The following KIF1B variants were observed in gnomAD, a reference collection of about 807,000 sequenced individuals.
The protein encoded by KIF1B is kinesin-like protein KIF1B.
KIF1B carries 76 observed loss-of-function variants against 241.9 expected under a neutral mutation model. The ratio of observed to expected loss-of-function variants is 0.31; its 90% CI spans 0.26 to 0.38. The LOEUF (loss-of-function observed/expected upper bound fraction) is 0.38, where lower values mean the gene tolerates loss of function less well. Ranked by LOEUF, KIF1B falls within the 10% of genes least tolerant of loss-of-function variation. KIF1B has a pLI of 1.00. For missense variants in KIF1B, 1,622 were observed against 2,271.4 expected (o/e 0.71, Z 5.81); for synonymous variants, 750 against 796.7 (o/e 0.94, Z 0.99).
intron 38 of KIF1B, among the ~76,000 whole-genome samples, chr1:10,359,674 A>G (rs1638358053): frequency 1.3e-5 from 2 of 151,884 alleles, no homozygotes; most frequent in African/African-American, 4.8e-5. Flanking sequence ...GTCTGGCTCT[A>G]GTGTTAACAA....
intron 22 of KIF1B, chr1:10,307,366 G>A (rs2004034): frequency 0.29 from 239,662 of 836,042 alleles, 35,660 homozygotes; most frequent in Admixed American, 0.31. Context: ...CTGCAGTGCA[G>A]TGGCACAATC....
chr1:10,264,517 C>T (rs746089956), intron 5 of KIF1B, among the ~76,000 whole-genome samples: 13 of 152,098 alleles, frequency 8.5e-5, no homozygotes, highest in South Asian at 2.1e-4. Flanking sequence ...TAATATATTC[C>T]GGGGATTCAG....
At chr1:10,276,950 A>G (rs1407155180) in intron 12 of KIF1B, among the ~76,000 whole-genome samples, 1 of 152,072 alleles carries the variant, frequency 6.6e-6, no homozygotes, top group African/African-American at 2.4e-5. Flanking sequence ...GCGTGGTGCC[A>G]TGCACCTGTA....
At chr1:10,235,865 A>AG (rs1202921711) in intron 2 of KIF1B, among the ~76,000 whole-genome samples, 4 of 133,934 alleles carry the variant, frequency 3.0e-5, no homozygotes, top group African/African-American at 1.1e-4. Context: ...ACTGTCTCAA[A>AG]AAAAAAAAAA....
chr1:10,268,042 G>GTT, intron 6 of KIF1B, 110 bp from the exon 7 acceptor site: 1 of 773,140 alleles, frequency 1.3e-6, no homozygotes, highest in Non-Finnish European at 2.3e-6. Context: ...CTGTGAATAA[G>GTT]TTTAAGACTA....
rs371705623 is a variant in KIF1B at position 10,326,376 on chromosome 1, T to C, written c.2924+17T>C. 1 of 1,613,902 alleles carries C rather than the reference T, an allele frequency of 6.2e-7. No homozygotes were observed. Among genetic ancestry groups the C allele is most frequent in the Non-Finnish European group, 8.5e-7 (1 of 1,180,030 alleles). On this transcript the variant is annotated intron_variant, in intron 27 of 48. Transcript: ENST00000676179. This position sits in a 1 kb window ranked among gnomAD's most constrained non-coding sequence, Gnocchi z 5.2. ...AGTGGGAAGGTTGGTGAGGTTATTG[T>C]GAGAAAGGCGAAAAGGGACCAGCTC...
chr1:10,231,555 T>C (rs547291835), intron 1 of KIF1B, among the ~76,000 whole-genome samples: 43 of 151,788 alleles, frequency 2.8e-4, no homozygotes, highest in Admixed American at 1.6e-3. Context: ...CCTGGCTAAT[T>C]TTTGTATTTT....
chr1:10,297,542 A>G (rs1650329409), intron 22 of KIF1B, among the ~76,000 whole-genome samples: 1 of 152,082 alleles, frequency 6.6e-6, no homozygotes, highest in Non-Finnish European at 1.5e-5. Context: ...GCCTCTTGAT[A>G]GTGGTTTTGG....
At chr1:10,313,548 ATTTTTT>A (rs33994083) in intron 22 of KIF1B, among the ~76,000 whole-genome samples, 1 of 121,410 alleles carries the variant, frequency 8.2e-6, no homozygotes, top group African/African-American at 3.3e-5. Context: ...ACTAGTTAGG[ATTTTTT>A]TTTTTTTTTT....
chr1:10,369,797 T>G (rs979123669), intron 44 of KIF1B, among the ~76,000 whole-genome samples: 1 of 151,404 alleles, frequency 6.6e-6, no homozygotes, highest in Admixed American at 6.6e-5. Context: ...CCGGATATGG[T>G]GGCGCATGCC....
In KIF1B at chr1:10,242,539, C is replaced by T. The variant is rs186563356; in HGVS notation, c.106+10105C>T. Among the ~76,000 whole-genome samples the T allele has an allele frequency of 9.7e-4, 148 of 152,092 alleles. 1 individual carries two copies. Among genetic ancestry groups the T allele is most frequent in the Non-Finnish European group, 1.8e-3 (123 of 67,978 alleles). ...TTATTAATATAATCTTTTTTTTAGA[C>T]GGAGTCTTGCCCTGTCACCCAGGCT... On this transcript the variant is annotated intron_variant, in intron 2 of 48. Transcript: ENST00000676179.
rs572677242 is a variant in KIF1B, at chr1:10,378,139, T to G, written c.*1552T>G. On this transcript the variant is annotated 3_prime_UTR_variant, in exon 49 of 49. Transcript: ENST00000676179. Reference sequence around the variant, plus strand: ...ATAAGCAAATGTGGCAGGCTTTGCTTTCTGGATCCCAGGATTAAAACTAAC... The same window carrying G: ...ATAAGCAAATGTGGCAGGCTTTGCTGTCTGGATCCCAGGATTAAAACTAAC... The G allele has an allele frequency of 2.7e-4, 156 of 588,418 alleles. No homozygotes were observed. The highest frequency in any genetic ancestry group is 2.4e-3 in the African/African-American group (127 of 53,800). 36.4% of individuals were successfully genotyped at this position (588,418 alleles called of 1,614,324 possible).
intron 24 of KIF1B, among the ~76,000 whole-genome samples, chr1:10,322,302 C>T (rs1441255791): frequency 2.0e-5 from 3 of 152,254 alleles, no homozygotes; most frequent in Non-Finnish European, 2.9e-5. Context: ...CCCAGACAGT[C>T]CAGGTTCCAG....
At chr1:10,259,505 A>AAATT (rs1553162997) in intron 4 of KIF1B, among the ~76,000 whole-genome samples, 7 of 121,550 alleles carry the variant, frequency 5.8e-5, no homozygotes, top group African/African-American at 2.3e-4. Context: ...AAAAAAAAAA[A>AAATT]TTTTTTTTTT....
At position 10,276,183 on chromosome 1, in the gene KIF1B, CAAAA is replaced by C. The variant is rs1019429503; in HGVS notation, c.959-131_959-128del. The C allele has an allele frequency of 4.7e-6, 3 of 632,568 alleles. No individual in the cohort carries two copies. The Admixed American group carries it at 7.4e-5, about 16-fold the overall frequency. 39.2% of individuals were successfully genotyped at this position (632,568 alleles called of 1,614,324 possible). The stretch of plus-strand genomic sequence containing the variant: ...TGGGTGAAAGAGTGAGACTCCCTCT[CAAAA>C]AAAAAATAAAAGAAAGAAATTTGAC... On this transcript the variant is annotated intron_variant, in intron 11 of 48. Coordinates refer to ENST00000676179, the MANE Select transcript of KIF1B (RefSeq NM_001365951.3).
intron 17 of KIF1B, 197 bp downstream of exon 17, chr1:10,292,319 T>C: frequency 1.8e-6 from 1 of 565,060 alleles, no homozygotes; most frequent in African/African-American, 1.9e-5. Flanking sequence ...ATGCCTATCT[T>C]GTTTACTGTT....
chr1:10,276,209 T>A, intron 11 of KIF1B, 112 bp from the exon 12 acceptor site: 2 of 790,602 alleles, frequency 2.5e-6, no homozygotes, highest in Non-Finnish European at 4.3e-6. Flanking sequence ...GAAAGAAATT[T>A]GACATTACAT....
At chr1:10,309,895 C>T (rs1005786391) in intron 22 of KIF1B, among the ~76,000 whole-genome samples, 2 of 151,116 alleles carry the variant, frequency 1.3e-5, no homozygotes, top group African/African-American at 2.5e-5. Context: ...ACACTCTGCC[C>T]TTTTTTTTGT....
intron 31 of KIF1B, among the ~76,000 whole-genome samples, chr1:10,338,176 A>T (rs1372375363): frequency 1.3e-5 from 2 of 152,318 alleles, no homozygotes; most frequent in African/African-American, 4.8e-5. Flanking sequence ...GGGCCACAGT[A>T]CAAGAGACTG....
Sources: allele counts gnomAD v4.1 joint callset (sites outside exome capture counted in the v4.1 genomes callset), GRCh38; gene constraint gnomAD v4.1.1; non-coding constraint Gnocchi (gnomAD v3.1); transcripts MANE v1.5; gene names NCBI Gene and HGNC (gene_info 2026-07-23, HGNC 2026-07-21).